MCM9: variants seen among roughly 807,000 people sequenced by gnomAD.
The protein encoded by MCM9 is DNA helicase MCM9.
In MCM9, 55 loss-of-function variants were observed where a neutral mutation model predicts 72.8. That is an observed-to-expected ratio of 0.76 (90% CI 0.61 to 0.95). MCM9 has a LOEUF of 0.95. Ranked by LOEUF, MCM9 falls within the 40% of genes least tolerant of loss-of-function variation. MCM9 has a pLI of 0.00. For synonymous variants in MCM9, 480 were observed against 503.4 expected (o/e 0.95, Z 0.62); for missense variants, 1,279 against 1,377.0 (o/e 0.93, Z 1.13).
rs1349855814 is a variant in MCM9 at position 118,814,829 on chromosome 6, A to G, written c.3427T>C (p.Ser1143Pro). Residue 1143 changes from serine to proline, a missense_variant, in exon 14 of 14, where the codon TCA becomes CCA. By Grantham distance (74) the Ser-to-Pro change is moderately conservative. Transcript: ENST00000619706. ...GACCAGAAAGCTTTTCCCAACTATG[A>G]CTTTTTTCTCATCTCTTCATCCCAG... ...CDWDEEMRKK[S>P] is the part of the protein sequence containing the mutation. 3.3e-6 allele frequency: 5 copies of G among 1,493,716 alleles called. No individual in the cohort carries two copies. In the South Asian group the frequency reaches 6.7e-5, roughly 20 times the overall value. The allele number at this position is 1,493,716 out of a possible 1,614,324, so 92.5% of individuals were successfully genotyped here.
At chr6:118,838,822 T>A (rs1017819705) in intron 9 of MCM9, among the ~76,000 whole-genome samples, 9 of 152,218 alleles carry the variant, frequency 5.9e-5, no homozygotes, top group African/African-American at 2.2e-4. Flanking sequence ...GGGTTTCCCT[T>A]TGTGGGTAAC....
intron 8 of MCM9, chr6:118,911,016 T>TA: frequency 1.0e-6 from 1 of 985,148 alleles, no homozygotes; most frequent in Non-Finnish European, 1.2e-6. Flanking sequence ...ATCAAAACTG[T>TA]AAAAATACAA....
In MCM9 at chr6:118,835,251, A is replaced by G. The variant is rs544511886; in HGVS notation, c.1326-6001T>C. ...AGTATCATGCTGTTTTGGTTACTGT[A>G]GCCTTGTAGTCTAGTTTGAAGTCAG... is the stretch of plus-strand genomic sequence containing the variant. On this transcript the variant is annotated intron_variant, in intron 9 of 13. Transcript: ENST00000619706. 3.3e-5 allele frequency among the ~76,000 whole-genome samples: 5 copies of G among 152,300 alleles called. No homozygotes were observed. In the East Asian group the frequency reaches 9.6e-4, roughly 29 times the overall value.
chr6:118,843,637 A>ATATATATATATATATATATAT (rs1382347461), intron 9 of MCM9, among the ~76,000 whole-genome samples: 28 of 5,564 alleles, frequency 5.0e-3, no homozygotes, highest in African/African-American at 9.4e-3. Context: ...AAAACAAAAC[A>ATATATATATATATATATATAT]AAACATATAT....
chr6:118,848,639 T>C (rs574151308), intron 9 of MCM9, among the ~76,000 whole-genome samples: 2 of 149,890 alleles, frequency 1.3e-5, no homozygotes, highest in African/African-American at 5.1e-5. Context: ...ATAATAAAAA[T>C]GCAGCCAGGC....
intron 9 of MCM9, among the ~76,000 whole-genome samples, chr6:118,851,801 A>T: frequency 6.6e-6 from 1 of 152,242 alleles, no homozygotes; most frequent in East Asian, 1.9e-4. Flanking sequence ...TGAAACTATA[A>T]TAATACACAT....
intron 9 of MCM9, among the ~76,000 whole-genome samples, chr6:118,848,289 C>A (rs1776004581): frequency 6.6e-6 from 1 of 151,832 alleles, no homozygotes; most frequent in Non-Finnish European, 1.5e-5. Flanking sequence ...ACATGGCTAA[C>A]AGACTGGAGT....
chr6:118,890,948 T>C (rs972956975), intron 8 of MCM9, among the ~76,000 whole-genome samples: 1 of 152,218 alleles, frequency 6.6e-6, no homozygotes, highest in African/African-American at 2.4e-5. Flanking sequence ...AGTACTTCCA[T>C]TCCTATGATA....
At chr6:118,895,543 G>C (rs925423425) in intron 8 of MCM9, among the ~76,000 whole-genome samples, 4 of 151,100 alleles carry the variant, frequency 2.6e-5, no homozygotes, top group African/African-American at 9.8e-5. Context: ...ACAAACGTAG[G>C]CTAGGAAATT....
At chr6:118,862,940 T>C (rs1408026796) in intron 8 of MCM9, among the ~76,000 whole-genome samples, 2 of 152,178 alleles carry the variant, frequency 1.3e-5, no homozygotes, top group Non-Finnish European at 2.9e-5. Context: ...TTCTCAAAGA[T>C]TGAAGAAATT....
chr6:118,815,366 C>T lies in MCM9; in HGVS notation c.2890G>A (p.Ala964Thr), dbSNP rs1275424147. 10 of 1,550,412 alleles carry T rather than the reference C, an allele frequency of 6.4e-6. No homozygotes were observed. Among genetic ancestry groups the T allele is most frequent in the South Asian group, 2.4e-5 (2 of 83,970 alleles). Residue 964 changes from alanine (A) to threonine (T), a missense_variant, in exon 14 of 14, where the codon GCA (alanine) becomes ACA (threonine). Physicochemically the swap from Ala to Thr is moderately conservative, Grantham distance 58. Coordinates refer to ENST00000619706, the MANE Select transcript of MCM9 (RefSeq NM_017696.3). ...KISQRRTRRD[A>T]ALPVKRPGKL... ...CCTGGACGCTTCACCGGCAAGGCTG[C>T]GTCTCTTCTTGTTCTACGCTGGGAA...
In MCM9 at chr6:118,815,957, T is replaced by C; in HGVS notation, c.2299A>G (p.Thr767Ala). The change falls in exon 14 of 14, where the codon ACA becomes GCA. Residue 767 changes from threonine to alanine, a missense_variant. Coordinates refer to ENST00000619706, the MANE Select transcript of MCM9 (RefSeq NM_017696.3). ...NTVVVSPHPK[T>A]SGENMASKIS... ...TTCGAAGCCATATTTTCTCCAGATG[T>C]TTTGGGATGAGGAGACACAACAACA... 1 of 1,550,468 alleles carries C rather than the reference T, an allele frequency of 6.4e-7. No homozygotes were observed. Among genetic ancestry groups the C allele is most frequent in the Middle Eastern group, 1.7e-4 (1 of 5,988 alleles).
chr6:118,917,708 G>C lies in MCM9; in HGVS notation c.757C>G (p.Gln253Glu). Reference protein sequence around the residue: ...IVMQRWKPFQQDVRCEVEIVL... With the variant: ...IVMQRWKPFQEDVRCEVEIVL... ...ATCTCCACTTCACAGCGCACATCTT[G>C]CTGAAAGGGCTTCCACCGTTGCATT... Residue 253 changes from glutamine to glutamate, a missense_variant, in exon 6 of 14, where the codon CAA becomes GAA. By Grantham distance (29) the Gln-to-Glu change is conservative (BLOSUM62 2). Coordinates refer to ENST00000619706, the MANE Select transcript of MCM9 (RefSeq NM_017696.3). 1 of 1,614,048 alleles carries C rather than the reference G, an allele frequency of 6.2e-7. No individual in the cohort carries two copies. Among genetic ancestry groups the C allele is most frequent in the Non-Finnish European group, 8.5e-7 (1 of 1,180,006 alleles).
At chr6:118,862,092 C>A (rs942968209) in intron 8 of MCM9, among the ~76,000 whole-genome samples, 9 of 152,338 alleles carry the variant, frequency 5.9e-5, no homozygotes, top group Admixed American at 5.2e-4. Flanking sequence ...TTGGCTTCAA[C>A]TTTGCTCTGA....
intron 8 of MCM9, among the ~76,000 whole-genome samples, chr6:118,900,161 GAC>G (rs1352473466): frequency 6.6e-6 from 1 of 151,924 alleles, no homozygotes; most frequent in East Asian, 1.9e-4. Context: ...AAGAATGTAT[GAC>G]ACAGGGGGGT....
rs188323243 is a variant in MCM9, at chr6:118,931,602, A to T, written c.122T>A (p.Val41Glu). The part of the protein sequence containing the change: ...ERDEDAHYPV[V>E]VNAMTLFETN... ...CTCAAACAGAGTCATGGCATTAACC[A>T]CAACTGGGTAATGAGCATCTTCATC... The change falls in exon 3 of 14, where the codon GTG becomes GAG. Residue 41 changes from valine to glutamate, a missense_variant. Coordinates refer to ENST00000619706, the MANE Select transcript of MCM9 (RefSeq NM_017696.3). The T allele has an allele frequency of 6.2e-7, 1 of 1,614,180 alleles. No individual in the cohort carries two copies. Among genetic ancestry groups the T allele is most frequent in the African/African-American group, 1.3e-5 (1 of 75,058 alleles).
chr6:118,868,254 A>G (rs1777353425), intron 8 of MCM9, among the ~76,000 whole-genome samples: 1 of 152,226 alleles, frequency 6.6e-6, no homozygotes, highest in Admixed American at 6.5e-5. Context: ...TGCAAATTAT[A>G]AAAAGACAAA....
chr6:118,844,151 G>A lies in MCM9; in HGVS notation c.1325+12220C>T, dbSNP rs145798999. Among the ~76,000 whole-genome samples the A allele has an allele frequency of 2.9e-3, 440 of 151,818 alleles. 11 individuals are homozygous for A. The highest frequency in any genetic ancestry group is 0.026 in the Admixed American group (397 of 15,272). On this transcript the variant is annotated intron_variant, in intron 9 of 13. Coordinates refer to ENST00000619706, the MANE Select transcript of MCM9 (RefSeq NM_017696.3). ...CTTATCTGCTATTAATTAACTTCAC[G>A]GCATGCTATAAGTCTCTAGAGACAT...
chr6:118,889,346 C>T (rs140995718), intron 8 of MCM9, among the ~76,000 whole-genome samples: 3 of 152,236 alleles, frequency 2.0e-5, no homozygotes, highest in Non-Finnish European at 4.4e-5. Flanking sequence ...TGCCAAGCGT[C>T]ACTCCATCTA....
Sources: allele counts gnomAD v4.1 joint callset (sites outside exome capture counted in the v4.1 genomes callset), GRCh38; gene constraint gnomAD v4.1.1; transcripts MANE v1.5; gene names NCBI Gene and HGNC (gene_info 2026-07-23, HGNC 2026-07-21).